Variants in LRRC7 observed in about 807,000 individuals in gnomAD.
The protein encoded by LRRC7 is leucine-rich repeat-containing protein 7.
Under a neutral mutation model 175.7 loss-of-function variants are expected in LRRC7, and 23 were observed. The ratio of observed to expected loss-of-function variants is 0.13; its 90% confidence interval spans 0.09 to 0.19. LRRC7 has a LOEUF of 0.19. Ranked by LOEUF, LRRC7 falls within the 10% of genes least tolerant of loss-of-function variation. The probability of loss-of-function intolerance (pLI) is 1.00; values close to 1 mark genes in which losing one functional copy is unlikely to be tolerated. For missense variants in LRRC7, 1,354 were observed against 1,904.7 expected, an observed-to-expected ratio of 0.71 and a Z score of 5.38; for synonymous variants, 685 against 680.9, an observed-to-expected ratio of 1.01 and a Z score of -0.09.
intron 7 of LRRC7, among the ~76,000 whole-genome samples, chr1:69,865,279 G>C (rs1298671039): frequency 1.3e-5 from 2 of 151,878 alleles, no homozygotes; most frequent in Non-Finnish European, 2.9e-5. Context: ...GCCAGTATTC[G>C]TTTAAAATGT....
chr1:70,098,842 CAA>C (rs1664599378), intron 25 of LRRC7, among the ~76,000 whole-genome samples: 1 of 151,342 alleles, frequency 6.6e-6, no homozygotes, highest in African/African-American at 2.4e-5. Context: ...GCTTACCAAC[CAA>C]AAAGAGTCCA....
At chr1:69,574,301 A>C (rs777114114) in intron 1 of LRRC7, among the ~76,000 whole-genome samples, 17 of 152,156 alleles carry the variant, frequency 1.1e-4, no homozygotes, top group Non-Finnish European at 2.5e-4. Flanking sequence ...GGTATTGTGA[A>C]AAGCAGAAAA....
intron 5 of LRRC7, among the ~76,000 whole-genome samples, chr1:69,831,053 T>C (rs1339567546): frequency 6.6e-6 from 1 of 151,932 alleles, no homozygotes; most frequent in Non-Finnish European, 1.5e-5. Context: ...AGTAGTACAA[T>C]ATCATTTATT....
At chr1:69,639,399 G>C (rs10157748) in intron 1 of LRRC7, among the ~76,000 whole-genome samples, 49,019 of 151,516 alleles carry the variant, frequency 0.32, 8,417 homozygotes, top group East Asian at 0.59. Context: ...TAAGTGGTAT[G>C]GTTTTCTAAT....
chr1:70,103,425 T>A (rs942543020), intron 25 of LRRC7, among the ~76,000 whole-genome samples: 3 of 152,044 alleles, frequency 2.0e-5, no homozygotes, highest in Non-Finnish European at 2.9e-5. Context: ...GAGGGAGATG[T>A]TACAGCAGAA....
intron 7 of LRRC7, among the ~76,000 whole-genome samples, chr1:69,906,068 G>T (rs979078966): frequency 3.3e-5 from 5 of 152,206 alleles, no homozygotes; most frequent in Non-Finnish European, 7.3e-5. Flanking sequence ...TTTCAGAAGT[G>T]TCTGTTCATA....
At chr1:69,606,176 T>C (rs968512322) in intron 1 of LRRC7, among the ~76,000 whole-genome samples, 1 of 152,158 alleles carries the variant, frequency 6.6e-6, no homozygotes, top group Non-Finnish European at 1.5e-5. Context: ...TAAGGAGCTC[T>C]TCAGAAATTC....
At chr1:69,811,216 T>A (rs1352585912) in intron 4 of LRRC7, among the ~76,000 whole-genome samples, 1 of 152,102 alleles carries the variant, frequency 6.6e-6, no homozygotes, top group Non-Finnish European at 1.5e-5. Context: ...AAAACCACAG[T>A]GAGATACCAT....
chr1:70,089,263 C>T lies in LRRC7; in HGVS notation c.4453-464C>T, dbSNP rs919559898. On this transcript the variant is annotated intron_variant, in intron 24 of 26. Transcript: ENST00000651989. ...TTATCTAACAAGGAGATGAATTAAT[C>T]TACTCTACTACAAAGCAGGCACAAT... Among the ~76,000 whole-genome samples the T allele has an allele frequency of 7.2e-5, 11 of 152,118 alleles. 1 individual carries two copies. The highest frequency in any genetic ancestry group is 5.9e-4 in the Admixed American group (9 of 15,252).
intron 5 of LRRC7, 140 bp from the exon 6 acceptor site, chr1:69,834,640 A>G (rs914320424): frequency 1.4e-6 from 1 of 729,226 alleles, no homozygotes; most frequent in African/African-American, 1.8e-5. Context: ...TGCTCAATAA[A>G]TTCTTTCATT....
chr1:70,137,033 T>G lies in LRRC7; in HGVS notation c.*15146T>G, dbSNP rs1666902515. On this transcript the variant is annotated 3_prime_UTR_variant, in exon 27 of 27. Transcript: ENST00000651989. ...AGCCACCATCCTCGGCTCTATTGCTTTTATAATATGACCCAAGGAACGTTT... is the reference window on the plus strand; with the variant it reads ...AGCCACCATCCTCGGCTCTATTGCTGTTATAATATGACCCAAGGAACGTTT... Among the ~76,000 whole-genome samples, 1 of 152,114 alleles carries G rather than the reference T, an allele frequency of 6.6e-6. No homozygotes were observed. Among genetic ancestry groups the G allele is most frequent in the Non-Finnish European group, 1.5e-5 (1 of 68,018 alleles).
At chr1:69,864,360 G>C (rs1684686010) in intron 7 of LRRC7, among the ~76,000 whole-genome samples, 1 of 152,160 alleles carries the variant, frequency 6.6e-6, no homozygotes, top group African/African-American at 2.4e-5. Context: ...TGAATAGATG[G>C]ATGGAGGAAT....
At chr1:69,695,594 G>C (rs1557612230) in intron 2 of LRRC7, among the ~76,000 whole-genome samples, 1 of 152,130 alleles carries the variant, frequency 6.6e-6, no homozygotes, top group Non-Finnish European at 1.5e-5. Flanking sequence ...AGGCCTGAAA[G>C]GCCATCAGAA....
intron 2 of LRRC7, among the ~76,000 whole-genome samples, chr1:69,739,400 T>G (rs987434705): frequency 2.6e-5 from 4 of 152,088 alleles, no homozygotes; most frequent in Non-Finnish European, 5.9e-5. Flanking sequence ...AGCCCAGGAA[T>G]GTAGAAGAAG....
chr1:69,595,950 C>T (rs541937304), intron 1 of LRRC7, among the ~76,000 whole-genome samples: 1 of 151,104 alleles, frequency 6.6e-6, no homozygotes, highest in South Asian at 2.1e-4. Flanking sequence ...ATTGCCTACT[C>T]GTAGACTGTT....
rs1653287445 is a variant in LRRC7 at position 69,980,297 on chromosome 1, G to A, written c.712-82G>A. On this transcript the variant is annotated intron_variant, in intron 8 of 26. Transcript: ENST00000651989. The stretch of plus-strand genomic sequence containing the variant: ...TCCCAAATAAAAGCTCAAGATCCAA[G>A]AAATTACATCTTATGTTTGTGATAA... 5 of 1,180,790 alleles carry A rather than the reference G, an allele frequency of 4.2e-6. No homozygotes were observed. In the Admixed American group the frequency reaches 9.2e-5, roughly 22 times the overall value. The allele number at this position is 1,180,790 out of a possible 1,614,324, so 73.1% of individuals were successfully genotyped here.
At chr1:69,935,912 C>A (rs1570723950) in intron 8 of LRRC7, among the ~76,000 whole-genome samples, 1 of 152,046 alleles carries the variant, frequency 6.6e-6, no homozygotes, top group Non-Finnish European at 1.5e-5. Context: ...ACGTGTTTTT[C>A]ATATGTTTTC....
intron 1 of LRRC7, among the ~76,000 whole-genome samples, chr1:69,608,899 T>TATATACAC (rs1553124965): frequency 4.8e-5 from 6 of 123,748 alleles, no homozygotes; most frequent in African/African-American, 1.9e-4. Context: ...TATATATATA[T>TATATACAC]ACACACACAC....
At chr1:69,744,340 G>C (rs1427634311) in intron 2 of LRRC7, among the ~76,000 whole-genome samples, 1 of 151,776 alleles carries the variant, frequency 6.6e-6, no homozygotes, top group Non-Finnish European at 1.5e-5. Context: ...AGACTGAGTA[G>C]GTGGTGCAGG....
Sources: gnomAD v4.1 joint callset for allele counts (sites outside exome capture counted in the v4.1 genomes callset) on GRCh38, gnomAD v4.1.1 for gene constraint, MANE v1.5 for transcripts, NCBI Gene and HGNC (gene_info 2026-07-23, HGNC 2026-07-21) for gene names.